Variants in ITLN1 observed in about 807,000 individuals in gnomAD.
ITLN1 encodes the protein intelectin 1, also known as intelectin-1.
ITLN1 carries 29 observed loss-of-function variants against 36.2 expected under a neutral mutation model. The ratio of observed to expected loss-of-function variants is 0.80; its 90% confidence interval spans 0.60 to 1.09. The LOEUF (loss-of-function observed/expected upper bound fraction) is 1.09, where lower values mean the gene tolerates loss of function less well. Ranked by LOEUF, ITLN1 falls within the 50% of genes least tolerant of loss-of-function variation. The pLI, the probability that ITLN1 is intolerant of heterozygous loss-of-function variation, is 0.00. For missense variants in ITLN1, 358 were observed against 405.2 expected (o/e 0.88, Z 1.00); for synonymous variants, 143 against 146.5 (o/e 0.98, Z 0.17).
chr1:160,880,919 C>A (rs2101909668), intron 5 of ITLN1, among the ~76,000 whole-genome samples: 1 of 152,308 alleles, frequency 6.6e-6, no homozygotes, highest in Middle Eastern at 3.4e-3. Context: ...ACTTCATTAT[C>A]TCTCTCTCCT....
Position 160,877,003 on chromosome 1 carries a change from C to T in ITLN1, c.790-187G>A, listed in dbSNP as rs536749292. Among the ~76,000 whole-genome samples the T allele has an allele frequency of 6.6e-5, 10 of 152,296 alleles. No individual in the cohort carries two copies. In the South Asian group the frequency reaches 1.2e-3, roughly 19 times the overall value. ...CTGTAATCCCAGCAGTCTGGGAGGC[C>T]GAAGAGGGTGGATCACTTGAGGCCA... On this transcript the variant is annotated intron_variant, in intron 7 of 7. Coordinates refer to ENST00000326245, the MANE Select transcript of ITLN1 (RefSeq NM_017625.3).
intron 7 of ITLN1, among the ~76,000 whole-genome samples, chr1:160,877,312 A>G (rs182272001): frequency 6.6e-6 from 1 of 152,078 alleles, no homozygotes; most frequent in African/African-American, 2.4e-5. Flanking sequence ...ACTTTTCTGA[A>G]TATTCATGCT....
At chr1:160,879,147 T>A (rs3766356) in intron 7 of ITLN1, among the ~76,000 whole-genome samples, 164 bp downstream of exon 7, 1 of 151,852 alleles carries the variant, frequency 6.6e-6, no homozygotes, top group Admixed American at 6.6e-5. Context: ...AAAGTTCCCA[T>A]GGCCCTGGCC....
rs377093370 is a variant in ITLN1, at chr1:160,881,991, C to A, written c.371G>T (p.Gly124Val). 6.2e-7 allele frequency: 1 copy of A among 1,613,966 alleles called. No homozygotes were observed. The highest frequency in any genetic ancestry group is 8.5e-7 in the Non-Finnish European group (1 of 1,180,024). ...DGNWANYNTF[G>V]SAEAATSDDY... The stretch of plus-strand genomic sequence containing the variant: ...ATCGCTCGTGGCCGCCTCTGCAGAT[C>A]CAAAGGTGTTGTAGTTGGCCCAGTT... Residue 124 changes from glycine (G) to valine (V), a missense_variant, in exon 4 of 8, where the codon GGA becomes GTA. By Grantham distance (109) the Gly-to-Val change is moderately radical (BLOSUM62 -3). Transcript: ENST00000326245.
intron 6 of ITLN1, 118 bp downstream of exon 6, chr1:160,880,470 C>T: frequency 1.0e-6 from 1 of 986,058 alleles, no homozygotes; most frequent in Non-Finnish European, 1.5e-6. Flanking sequence ...TCAAGTGGGG[C>T]AATATAGGGA....
intron 7 of ITLN1, among the ~76,000 whole-genome samples, chr1:160,878,644 CA>C (rs894029403): frequency 5.3e-5 from 8 of 152,162 alleles, no homozygotes; most frequent in African/African-American, 1.9e-4. Context: ...CCTTGCCTCG[CA>C]AAATACTGGG....
chr1:160,882,356 C>A, intron 3 of ITLN1, 152 bp from the exon 4 acceptor site: 1 of 851,980 alleles, frequency 1.2e-6, no homozygotes, highest in Non-Finnish European at 1.7e-6. Context: ...ACTGGGGCCT[C>A]CCTGAGTTCA....
intron 2 of ITLN1, among the ~76,000 whole-genome samples, chr1:160,883,839 C>G (rs977742619): frequency 1.3e-5 from 2 of 152,176 alleles, no homozygotes; most frequent in African/African-American, 4.8e-5. Context: ...AGTTCCCCAG[C>G]AAGAGCTTGC....
chr1:160,879,317 A>G lies in ITLN1; in HGVS notation c.783T>C (p.Thr261=), dbSNP rs773957192. The G allele has an allele frequency of 3.1e-6, 5 of 1,612,688 alleles. No homozygotes were observed. The highest frequency in any genetic ancestry group is 4.5e-5 in the East Asian group (2 of 44,870). ...CAGMRVTGCN[T]EHHCIGGGGY... ...AGTCCCCACAGAGACTCACGTGCTC[A>G]GTGTTACATCCGGTGACCCTCATTC... Residue 261 remains threonine, a synonymous_variant, in exon 7 of 8, where the codon ACT becomes ACC. Coordinates refer to ENST00000326245, the MANE Select transcript of ITLN1 (RefSeq NM_017625.3).
At chr1:160,877,486 G>A in intron 7 of ITLN1, among the ~76,000 whole-genome samples, 1 of 152,056 alleles carries the variant, frequency 6.6e-6, no homozygotes, top group East Asian at 1.9e-4. Flanking sequence ...GATGCTTCTT[G>A]TGCTGAAGAC....
At position 160,882,130 on chromosome 1, in the gene ITLN1, C is replaced by T. The variant is rs748741191; in HGVS notation, c.232G>A (p.Gly78Ser). 6.2e-6 allele frequency: 10 copies of T among 1,613,464 alleles called. No homozygotes were observed. Among genetic ancestry groups the T allele is most frequent in the African/African-American group, 1.3e-5 (1 of 74,918 alleles). Residue 78 changes from glycine to serine, a missense_variant, in exon 4 of 8, where the codon GGC becomes AGC. By Grantham distance (56) the Gly-to-Ser change is moderately conservative. Coordinates refer to ENST00000326245, the MANE Select transcript of ITLN1 (RefSeq NM_017625.3). ...TFCDMTSGGG[G>S]WTLVASVHEN... The stretch of plus-strand genomic sequence containing the variant: ...TGCACGCTGGCCACCAGGGTCCAGC[C>T]GCCACCCCCAGAGGTCATGTCACAG...
intron 2 of ITLN1, among the ~76,000 whole-genome samples, chr1:160,884,034 T>C (rs562093728): frequency 4.5e-4 from 68 of 152,238 alleles, no homozygotes; most frequent in African/African-American, 1.5e-3. Context: ...CATGTCTTAG[T>C]CACAGAAGAC....
Position 160,876,648 on chromosome 1 carries a change from C to T in ITLN1, c.*16G>A, listed in dbSNP as rs186776672. ...ATGGTTGGGAGGAGAGGTCTGGGTT[C>T]CCTCCCACAAAACTCTCAACGATAG... On this transcript the variant is annotated 3_prime_UTR_variant, in exon 8 of 8. Coordinates refer to ENST00000326245, the MANE Select transcript of ITLN1 (RefSeq NM_017625.3). 6.2e-7 allele frequency: 1 copy of T among 1,613,510 alleles called. No homozygotes were observed. Among genetic ancestry groups the T allele is most frequent in the African/African-American group, 1.3e-5 (1 of 75,030 alleles).
chr1:160,881,081 C>T, intron 5 of ITLN1, 73 bp downstream of exon 5: 1 of 1,480,612 alleles, frequency 6.8e-7, no homozygotes, highest in South Asian at 1.4e-5. Flanking sequence ...TAAAAAATGA[C>T]TCCTGCCCAA....
chr1:160,882,973 G>A (rs1295293162), intron 3 of ITLN1, among the ~76,000 whole-genome samples: 4 of 151,998 alleles, frequency 2.6e-5, no homozygotes, highest in Non-Finnish European at 4.4e-5. Context: ...GAGTTCAAGC[G>A]ATCCTCCCAC....
intron 3 of ITLN1, among the ~76,000 whole-genome samples, chr1:160,882,709 G>T (rs146787017): frequency 6.6e-6 from 1 of 152,260 alleles, no homozygotes; most frequent in Non-Finnish European, 1.5e-5. Context: ...TGTGCTAAGT[G>T]AAATAAGCCA....
rs563746319 is a variant in ITLN1, at chr1:160,881,968, C to T, written c.394G>A (p.Asp132Asn). 5.6e-5 allele frequency: 91 copies of T among 1,614,180 alleles called. No individual in the cohort carries two copies. Among genetic ancestry groups the T allele is most frequent in the African/African-American group, 1.9e-4 (14 of 75,042 alleles). The change falls in exon 4 of 8, where the codon GAT becomes AAT. Residue 132 changes from aspartate to asparagine, a missense_variant. By Grantham distance (23) the Asp-to-Asn change is conservative (BLOSUM62 1). Transcript: ENST00000326245. ...TFGSAEAATS[D>N]DYKNPGYYDI... ...GAAGTGGCACCAACCTTGTAGTCAT[C>T]GCTCGTGGCCGCCTCTGCAGATCCA...
In ITLN1 at chr1:160,881,789, A is replaced by G. The variant is rs371033412; in HGVS notation, c.405+168T>C. Among the ~76,000 whole-genome samples, 38 of 145,020 alleles carry G rather than the reference A, an allele frequency of 2.6e-4. 1 individual carries two copies. In the East Asian group the frequency reaches 5.4e-3, roughly 21 times the overall value. On this transcript the variant is annotated intron_variant, in intron 4 of 7. Transcript: ENST00000326245. ...TGCACTCCAACCTGGGCAACAGAGTAAGACTCCGTCTCAAGAAAAAAAAAA... is the reference window on the plus strand; with the variant it reads ...TGCACTCCAACCTGGGCAACAGAGTGAGACTCCGTCTCAAGAAAAAAAAAA...
chr1:160,884,876 ATT>A lies in ITLN1; in HGVS notation c.-1_1del. The A allele has an allele frequency of 6.2e-7, 1 of 1,611,812 alleles. No individual in the cohort carries two copies. The highest frequency in any genetic ancestry group is 8.5e-7 in the Non-Finnish European group (1 of 1,178,036). On this transcript the variant is annotated start_lost and 5_prime_UTR_variant, in exon 2 of 8. Transcript: ENST00000326245. The stretch of plus-strand genomic sequence containing the variant: ...AAACAGCAGGAAGCTGAGTTGGTTC[ATT>A]GTAATCTAAAGAAAGCAAGATGAAG...
Sources: gnomAD v4.1 joint callset for allele counts (sites outside exome capture counted in the v4.1 genomes callset) on GRCh38, gnomAD v4.1.1 for gene constraint, MANE v1.5 for transcripts, NCBI Gene and HGNC (gene_info 2026-07-23, HGNC 2026-07-21) for gene names.